ANGPTL7: variants seen among roughly 807,000 people sequenced by gnomAD.
ANGPTL7 encodes angiopoietin-related protein 7.
Under a neutral mutation model 38.8 loss-of-function variants are expected in ANGPTL7, and 37 were observed. The ratio of observed to expected loss-of-function variants is 0.95; its 90% CI spans 0.73 to 1.25. The LOEUF (loss-of-function observed/expected upper bound fraction) is 1.25, where lower values mean the gene tolerates loss of function less well. ANGPTL7 is among the 50% of genes most tolerant of loss of function. ANGPTL7 has a pLI of 0.00. For missense variants in ANGPTL7, 427 were observed against 438.6 expected, an observed-to-expected ratio of 0.97 and a Z score of 0.24; for synonymous variants, 166 against 163.2, an observed-to-expected ratio of 1.02 and a Z score of -0.13.
intron 2 of ANGPTL7, 37 bp downstream of exon 2, chr1:11,192,407 C>T (rs1233017800): frequency 1.3e-6 from 2 of 1,505,744 alleles, no homozygotes; most frequent in African/African-American, 2.8e-5. Context: ...GCCCTAATAC[C>T]TGTCCTTCAC....
chr1:11,191,943 G>A (rs1246166929), intron 1 of ANGPTL7, among the ~76,000 whole-genome samples: 1 of 152,132 alleles, frequency 6.6e-6, no homozygotes. Flanking sequence ...CTGTTACGTG[G>A]CCCTCATACA....
Position 11,193,623 on chromosome 1 carries a change from T to C in ANGPTL7, c.521T>C (p.Ile174Thr). ...METSGGGWTI[I>T]QRRKSGLVSF... ...ACTTCAGGCGGAGGCTGGACCATCA[T>C]CCAGAGACGAAAAAGTGGCCTTGTC... The change falls in exon 3 of 5, where the codon ATC (isoleucine) becomes ACC (threonine). Residue 174 changes from isoleucine (I) to threonine (T), a missense_variant. Physicochemically the swap from Ile to Thr is moderately conservative, Grantham distance 89. Transcript: ENST00000376819. 3.7e-6 allele frequency: 6 copies of C among 1,611,916 alleles called. No homozygotes were observed. Among genetic ancestry groups the C allele is most frequent in the Non-Finnish European group, 5.1e-6 (6 of 1,178,892 alleles).
chr1:11,194,689 G>A, intron 4 of ANGPTL7, 30 bp downstream of exon 4: 1 of 1,613,700 alleles, frequency 6.2e-7, no homozygotes, highest in Non-Finnish European at 8.5e-7. Flanking sequence ...GAAAGGAGAA[G>A]TTCAGGTACA....
At chr1:11,192,820 A>G (rs1301898029) in intron 2 of ANGPTL7, among the ~76,000 whole-genome samples, 2 of 151,470 alleles carry the variant, frequency 1.3e-5, no homozygotes, top group African/African-American at 4.9e-5. Context: ...CTATGCAAAC[A>G]CTCAGTTTAT....
chr1:11,190,035 A>C (rs1049263176), intron 1 of ANGPTL7, 80 bp downstream of exon 1: 1 of 1,502,438 alleles, frequency 6.7e-7, no homozygotes, highest in Non-Finnish European at 8.9e-7. Context: ...GGTCATCAGA[A>C]CCACTACTGG....
rs757264296 is a variant in ANGPTL7 at position 11,195,052 on chromosome 1, G to C, written c.*29G>C. 2 of 1,609,228 alleles carry C rather than the reference G, an allele frequency of 1.2e-6. No homozygotes were observed. Among genetic ancestry groups the C allele is most frequent in the Non-Finnish European group, 1.7e-6 (2 of 1,177,990 alleles). On this transcript the variant is annotated 3_prime_UTR_variant, in exon 5 of 5. Coordinates refer to ENST00000376819, the MANE Select transcript of ANGPTL7 (RefSeq NM_021146.4). ...GAGGCTGCCGTGGAGCACGGATACA[G>C]AAACTGAGACACGTGGAGACTGGAT...
At position 11,194,960 on chromosome 1, in the gene ANGPTL7, T is replaced by A; in HGVS notation, c.978T>A (p.His326Gln). 6.2e-7 allele frequency: 1 copy of A among 1,614,074 alleles called. No homozygotes were observed. Among genetic ancestry groups the A allele is most frequent in the Non-Finnish European group, 8.5e-7 (1 of 1,180,016 alleles). The change falls in exon 5 of 5, where the codon CAT becomes CAA. Residue 326 changes from histidine to glutamine, a missense_variant. By Grantham distance (24) the His-to-Gln change is conservative. Coordinates refer to ENST00000376819, the MANE Select transcript of ANGPTL7 (RefSeq NM_021146.4). ...ATGGCATCACCTGGTATGGCTGGCA[T>A]GGATCTACCTACTCCCTCAAACGGG... The part of the protein sequence containing the change: ...HLDGITWYGW[H>Q]GSTYSLKRVE...
In ANGPTL7 at chr1:11,194,857, G is replaced by A. The variant is rs749069196; in HGVS notation, c.875G>A (p.Gly292Asp). ...CTGGGTCTGTTTCTCATGCCAGGTG[G>A]CTACTGGTACAACTGCTGCACAGAC... ...LDKCAQLRKG[G>D]YWYNCCTDSN... The change falls in exon 5 of 5, where the codon GGC (glycine) becomes GAC (aspartate). Residue 292 changes from glycine (G) to aspartate (D), a missense_variant. Physicochemically the swap from Gly to Asp is moderately conservative, Grantham distance 94 (BLOSUM62 -1). Coordinates refer to ENST00000376819, the MANE Select transcript of ANGPTL7 (RefSeq NM_021146.4). 6.2e-7 allele frequency: 1 copy of A among 1,613,914 alleles called. No individual in the cohort carries two copies. The highest frequency in any genetic ancestry group is 8.5e-7 in the Non-Finnish European group (1 of 1,179,910).
In ANGPTL7 at chr1:11,195,133, C is replaced by T. The variant is rs1645736314; in HGVS notation, c.*110C>T. Reference sequence around the variant, plus strand: ...AGAAAGGGTAGGACTGAGAAACAGCCTATAATCTCCAAAGAAAGAATAAGT... The same window carrying T: ...AGAAAGGGTAGGACTGAGAAACAGCTTATAATCTCCAAAGAAAGAATAAGT... On this transcript the variant is annotated 3_prime_UTR_variant, in exon 5 of 5. Coordinates refer to ENST00000376819, the MANE Select transcript of ANGPTL7 (RefSeq NM_021146.4). 1.7e-6 allele frequency: 2 copies of T among 1,147,716 alleles called. No homozygotes were observed. The highest frequency in any genetic ancestry group is 3.1e-5 in the African/African-American group (2 of 63,528). The allele number at this position is 1,147,716 out of a possible 1,614,324, so 71.1% of individuals were successfully genotyped here.
At position 11,194,969 on chromosome 1, in the gene ANGPTL7, C is replaced by G. The variant is rs201880929; in HGVS notation, c.987C>G (p.Thr329=). The change falls in exon 5 of 5, where the codon ACC becomes ACG. Residue 329 remains threonine, a synonymous_variant. Transcript: ENST00000376819. ...GITWYGWHGS[T]YSLKRVEMKI... Reference sequence around the variant, plus strand: ...CCTGGTATGGCTGGCATGGATCTACCTACTCCCTCAAACGGGTGGAGATGA... The same window carrying G: ...CCTGGTATGGCTGGCATGGATCTACGTACTCCCTCAAACGGGTGGAGATGA... 2 of 1,614,096 alleles carry G rather than the reference C, an allele frequency of 1.2e-6. No homozygotes were observed. Among genetic ancestry groups the G allele is most frequent in the Non-Finnish European group, 1.7e-6 (2 of 1,180,026 alleles).
In ANGPTL7 at chr1:11,192,876, TTA is replaced by T. The variant is rs370650296; in HGVS notation, c.477+508_477+509del. On this transcript the variant is annotated intron_variant, in intron 2 of 4. Coordinates refer to ENST00000376819, the MANE Select transcript of ANGPTL7 (RefSeq NM_021146.4). The stretch of plus-strand genomic sequence containing the variant: ...GCATCTGTTTGGCCCCTTCAAATCA[TTA>T]TCAGTCAAACAACAAGCCTTCTAAC... Among the ~76,000 whole-genome samples the T allele has an allele frequency of 1.8e-3, 279 of 152,128 alleles. 3 individuals are homozygous for T. Among genetic ancestry groups the T allele is most frequent in the African/African-American group, 6.5e-3 (269 of 41,484 alleles).
At chr1:11,192,696 G>C (rs1001871518) in intron 2 of ANGPTL7, among the ~76,000 whole-genome samples, 2 of 145,520 alleles carry the variant, frequency 1.4e-5, no homozygotes, top group Admixed American at 7.0e-5. Context: ...AGTGAGCCGA[G>C]ATCACGCCAC....
In ANGPTL7 at chr1:11,194,401, T is replaced by C. The variant is rs140914592; in HGVS notation, c.673-60T>C. The C allele has an allele frequency of 6.5e-4, 986 of 1,527,686 alleles. 8 individuals are homozygous for C. In the African/African-American group the frequency reaches 0.012, roughly 18 times the overall value. The allele number at this position is 1,527,686 out of a possible 1,614,324, so 94.6% of individuals were successfully genotyped here. A position where few individuals can be genotyped will look rare whatever the true frequency, so the allele number is the denominator to read the frequency against. On this transcript the variant is annotated intron_variant, in intron 3 of 4. Transcript: ENST00000376819. ...TGGGACTGTCAGGAGAGAAGGGGTA[T>C]AGAGACAGCATGAAATGGAGCCTGC... is the stretch of plus-strand genomic sequence containing the variant.
intron 4 of ANGPTL7, 97 bp from the exon 5 acceptor site, chr1:11,194,757 G>A (rs1237259021): frequency 1.9e-5 from 31 of 1,596,364 alleles, no homozygotes; most frequent in South Asian, 3.4e-5. Flanking sequence ...TTGATATTCC[G>A]GTTTTGGTAT....
intron 1 of ANGPTL7, among the ~76,000 whole-genome samples, chr1:11,191,059 T>A (rs1645511427): frequency 6.6e-6 from 1 of 152,284 alleles, no homozygotes; most frequent in South Asian, 2.1e-4. Context: ...ATTTGGTCTG[T>A]GAGATGAAAC....
At chr1:11,194,101 A>G (rs1423973831) in intron 3 of ANGPTL7, among the ~76,000 whole-genome samples, 1 of 152,008 alleles carries the variant, frequency 6.6e-6, no homozygotes, top group East Asian at 1.9e-4. Context: ...AATCTTACTG[A>G]TACTGTTTGG....
chr1:11,194,553 TG>T lies in ANGPTL7; in HGVS notation c.767del (p.Gly256AlafsTer82). On this transcript the variant is annotated frameshift_variant, in exon 4 of 5. Coordinates refer to ENST00000376819, the MANE Select transcript of ANGPTL7 (RefSeq NM_021146.4). LOFTEE classifies it high-confidence loss of function. The stretch of plus-strand genomic sequence containing the variant: ...ATCGCCTCTTCCTGGGGAACTACAC[TG>T]GCAATGTGGGGAACGACGCCCTCCA... ...SYRLFLGNYT[G>X]NVGNDALQYH... The T allele has an allele frequency of 6.2e-7, 1 of 1,614,154 alleles. No individual in the cohort carries two copies. The highest frequency in any genetic ancestry group is 8.5e-7 in the Non-Finnish European group (1 of 1,180,026).
intron 1 of ANGPTL7, among the ~76,000 whole-genome samples, chr1:11,191,299 G>A (rs1470253829): frequency 6.6e-6 from 1 of 152,186 alleles, no homozygotes; most frequent in Non-Finnish European, 1.5e-5. Flanking sequence ...CTTAGAGGAA[G>A]CAGTAAGTTG....
chr1:11,193,858 C>A, intron 3 of ANGPTL7, 84 bp downstream of exon 3: 1 of 1,346,762 alleles, frequency 7.4e-7, no homozygotes. Context: ...CATTCCTATT[C>A]TGATTCAAGA....
Sources: allele counts gnomAD v4.1 joint callset (sites outside exome capture counted in the v4.1 genomes callset), GRCh38; gene constraint gnomAD v4.1.1; transcripts MANE v1.5; gene names NCBI Gene and HGNC (gene_info 2026-07-23, HGNC 2026-07-21).